The following KIF26B variants were observed in gnomAD, a reference collection of about 807,000 sequenced individuals.
The protein encoded by KIF26B is kinesin family member 26B, also known as kinesin-like protein KIF26B.
Under a neutral mutation model 151.2 loss-of-function variants are expected in KIF26B, and 63 were observed. The ratio of observed to expected loss-of-function variants is 0.42; its 90% CI spans 0.34 to 0.51. The LOEUF is 0.51. Ranked by LOEUF, KIF26B falls within the 20% of genes least tolerant of loss-of-function variation. The pLI is 0.07. For missense variants in KIF26B, 2,813 were observed against 2,913.6 expected, an observed-to-expected ratio of 0.97 and a Z score of 0.79; for synonymous variants, 1,357 against 1,262.1, an observed-to-expected ratio of 1.08 and a Z score of -1.59.
intron 10 of KIF26B, among the ~76,000 whole-genome samples, chr1:245,662,676 T>A (rs1325363338): frequency 5.0e-5 from 1 of 19,972 alleles, no homozygotes; most frequent in African/African-American, 1.7e-4. Context: ...TACCCAATGA[T>A]ACATATATAT....
At chr1:245,518,817 T>C (rs1661025464) in intron 4 of KIF26B, among the ~76,000 whole-genome samples, 1 of 152,196 alleles carries the variant, frequency 6.6e-6, no homozygotes. Flanking sequence ...TCATGTATTT[T>C]GTGGATTTTC....
chr1:245,687,235 C>T lies in KIF26B; in HGVS notation c.4252C>T (p.Pro1418Ser), dbSNP rs2044540744. ...CCCCACCGCCACCCCCAAAGCAGGC[C>T]CCACATTAGCCCAGTCCCGGGAGAG... ...EAPTATPKAG[P>S]TLAQSRESKE... Residue 1418 changes from proline to serine, a missense_variant, in exon 12 of 15, where the codon CCC becomes TCC. Pro to Ser is a moderately conservative substitution (Grantham distance 74, BLOSUM62 -1). Coordinates refer to ENST00000407071, the MANE Select transcript of KIF26B (RefSeq NM_018012.4). The surrounding 1 kb of genome is among the most constrained non-coding windows in gnomAD (Gnocchi z 4.9). The T allele has an allele frequency of 1.2e-6, 2 of 1,612,784 alleles. No individual in the cohort carries two copies. The highest frequency in any genetic ancestry group is 2.2e-5 in the East Asian group (1 of 44,862).
intron 4 of KIF26B, among the ~76,000 whole-genome samples, chr1:245,492,294 G>A (rs1660424701): frequency 6.6e-6 from 1 of 152,214 alleles, no homozygotes; most frequent in Admixed American, 6.5e-5. Context: ...TTCTCTGGGT[G>A]TTTTGTTGAA....
chr1:245,599,097 G>A (rs542725185), intron 5 of KIF26B, among the ~76,000 whole-genome samples: 1 of 152,230 alleles, frequency 6.6e-6, no homozygotes, highest in Admixed American at 6.5e-5. Context: ...AGAACCTAAG[G>A]GTGTTAGTGA....
intron 3 of KIF26B, among the ~76,000 whole-genome samples, chr1:245,383,086 T>C (rs1673453318): frequency 6.6e-6 from 1 of 151,238 alleles, no homozygotes; most frequent in Admixed American, 6.6e-5. Flanking sequence ...AACTCTGACC[T>C]GAGAAGCTCT....
At chr1:245,484,767 A>ATATCAT (rs1553278698) in intron 4 of KIF26B, among the ~76,000 whole-genome samples, 1 of 134,234 alleles carries the variant, frequency 7.4e-6, no homozygotes, top group African/African-American at 2.7e-5. Flanking sequence ...CTTCTTCTTC[A>ATATCAT]TATTATTATT....
At chr1:245,604,932 C>T (rs565438679) in intron 6 of KIF26B, among the ~76,000 whole-genome samples, 49 of 152,278 alleles carry the variant, frequency 3.2e-4, no homozygotes, top group African/African-American at 1.1e-3. Context: ...ACAAGGAAAC[C>T]GAGACTCAAA....
intron 2 of KIF26B, among the ~76,000 whole-genome samples, chr1:245,330,731 C>T (rs1332452884): frequency 5.5e-5 from 3 of 54,158 alleles, no homozygotes; most frequent in Admixed American, 2.5e-4. Context: ...GGGGAAGAGC[C>T]GGGGGAGAGT....
intron 4 of KIF26B, among the ~76,000 whole-genome samples, chr1:245,464,987 T>A (rs1330642417): frequency 6.7e-6 from 1 of 149,056 alleles, no homozygotes; most frequent in Non-Finnish European, 1.5e-5. Flanking sequence ...ATGCCTTTTT[T>A]TTTTTTTTTG....
At chr1:245,668,369 C>T (rs1317326470) in intron 10 of KIF26B, among the ~76,000 whole-genome samples, 1 of 152,184 alleles carries the variant, frequency 6.6e-6, no homozygotes, top group Non-Finnish European at 1.5e-5. Flanking sequence ...GCAACAATAG[C>T]TACCTTCTTT....
chr1:245,259,940 A>G (rs1438604497), intron 2 of KIF26B, among the ~76,000 whole-genome samples: 1 of 151,516 alleles, frequency 6.6e-6, no homozygotes, highest in Non-Finnish European at 1.5e-5. Flanking sequence ...GTCTCAAAAA[A>G]AAAAAAAAAA....
chr1:245,292,409 G>A (rs1031602961), intron 2 of KIF26B, among the ~76,000 whole-genome samples: 2 of 152,076 alleles, frequency 1.3e-5, no homozygotes, highest in African/African-American at 2.4e-5. Flanking sequence ...GGCGGCAGAG[G>A]GGCTCAGTGT....
chr1:245,665,769 C>T (rs1056523709), intron 10 of KIF26B, among the ~76,000 whole-genome samples: 3 of 152,040 alleles, frequency 2.0e-5, no homozygotes, highest in African/African-American at 7.2e-5. Context: ...ACTGCAACCT[C>T]CGCTTCCCGA....
At chr1:245,235,928 TTA>T (rs200066099) in intron 2 of KIF26B, among the ~76,000 whole-genome samples, 1,990 of 80,552 alleles carry the variant, frequency 0.025, 36 homozygotes, top group African/African-American at 0.098. Context: ...ACTGCATCAC[TTA>T]TTTTTTTTTT....
intron 2 of KIF26B, among the ~76,000 whole-genome samples, chr1:245,303,453 C>T (rs1397355880): frequency 2.0e-5 from 3 of 150,878 alleles, no homozygotes; most frequent in Non-Finnish European, 2.9e-5. Context: ...CCGCCTCGGC[C>T]TCCCAAAGTG....
chr1:245,462,416 G>C (rs1301802805), intron 4 of KIF26B, among the ~76,000 whole-genome samples: 1 of 152,188 alleles, frequency 6.6e-6, no homozygotes, highest in East Asian at 1.9e-4. Context: ...GTCGAGTTTT[G>C]CAGTGACTTC....
intron 5 of KIF26B, among the ~76,000 whole-genome samples, chr1:245,570,294 G>T (rs916339980): frequency 2.6e-5 from 4 of 152,052 alleles, no homozygotes; most frequent in African/African-American, 9.7e-5. Context: ...TCAGGTTAAT[G>T]ATGCCACTCA....
intron 9 of KIF26B, among the ~76,000 whole-genome samples, chr1:245,630,696 CTA>C (rs2043772119): frequency 1.3e-5 from 2 of 152,062 alleles, no homozygotes; most frequent in Admixed American, 1.3e-4. Context: ...ACATGGATAA[CTA>C]TATAACAAAA....
rs137923810 is a variant in KIF26B at position 245,405,861 on chromosome 1, T to C, written c.1000-13718T>C. Among the ~76,000 whole-genome samples, 595 of 152,306 alleles carry C rather than the reference T, an allele frequency of 3.9e-3. 7 individuals are homozygous for C. The highest frequency in any genetic ancestry group is 0.013 in the African/African-American group (558 of 41,560). On this transcript the variant is annotated intron_variant, in intron 3 of 14. Transcript: ENST00000407071. ...TTGGCAAACAGAATACAAGGTTTGG[T>C]GTCAAGTCGAAACTGGAACCATGTA...
Sources: gnomAD v4.1 joint callset for allele counts (sites outside exome capture counted in the v4.1 genomes callset) on GRCh38, gnomAD v4.1.1 for gene constraint, Gnocchi (gnomAD v3.1) non-coding constraint, MANE v1.5 for transcripts, NCBI Gene and HGNC (gene_info 2026-07-23, HGNC 2026-07-21) for gene names.